Variants in CLCA2 observed in about 807,000 individuals in gnomAD.
CLCA2 encodes the protein calcium-activated chloride channel regulator 2.
A neutral mutation model predicts 82.9 loss-of-function variants in CLCA2; 85 were observed. The ratio of observed to expected loss-of-function variants is 1.03; its 90% CI spans 0.86 to 1.23. CLCA2 has a LOEUF of 1.23. CLCA2 is among the 50% of genes most tolerant of loss of function. The pLI, the probability that CLCA2 is intolerant of heterozygous loss-of-function variation, is 0.00. For missense variants in CLCA2, 1,089 were observed against 1,124.8 expected (o/e 0.97, Z 0.45); for synonymous variants, 421 against 391.7 (o/e 1.07, Z -0.88).
chr1:86,438,917 T>C lies in CLCA2; in HGVS notation c.1014T>C (p.Tyr338=), dbSNP rs1016176121. Residue 338 remains tyrosine (Y), a synonymous_variant, in exon 7 of 14, where the codon TAT becomes TAC. Coordinates refer to ENST00000370565, the MANE Select transcript of CLCA2 (RefSeq NM_006536.7). ...AACTACAACAAGCCGCAGAATTTTATTTGATGCAGATTGTTGAAATTCATA... is the reference window on the plus strand; with the variant it reads ...AACTACAACAAGCCGCAGAATTTTACTTGATGCAGATTGTTGAAATTCATA... ...LLQLQQAAEF[Y]LMQIVEIHTF... The C allele has an allele frequency of 8.1e-6, 13 of 1,614,006 alleles. No individual in the cohort carries two copies. The highest frequency in any genetic ancestry group is 1.1e-5 in the Non-Finnish European group (13 of 1,179,994).
chr1:86,444,975 C>A (rs1479121909), intron 10 of CLCA2, among the ~76,000 whole-genome samples: 1 of 152,118 alleles, frequency 6.6e-6, no homozygotes, highest in African/African-American at 2.4e-5. Context: ...CAGCTCACTG[C>A]AACCTTCACC....
chr1:86,438,935 A>C lies in CLCA2; in HGVS notation c.1032A>C (p.Glu344Asp), dbSNP rs1450737926. Residue 344 changes from glutamate to aspartate, a missense_variant, in exon 7 of 14, where the codon GAA becomes GAC. Transcript: ENST00000370565. ...AATTTTATTTGATGCAGATTGTTGA[A>C]ATTCATACCTTCGTGGGCATTGCCA... is the stretch of plus-strand genomic sequence containing the variant. ...AAEFYLMQIV[E>D]IHTFVGIASF... The C allele has an allele frequency of 1.2e-6, 2 of 1,614,030 alleles. No homozygotes were observed. The highest frequency in any genetic ancestry group is 3.3e-5 in the Admixed American group (2 of 59,992).
chr1:86,437,859 T>C (rs1662645655), intron 6 of CLCA2, among the ~76,000 whole-genome samples: 1 of 152,102 alleles, frequency 6.6e-6, no homozygotes, highest in African/African-American at 2.4e-5. Flanking sequence ...TTGTGAGTGC[T>C]TACTCAGTAT....
At chr1:86,429,375 C>T (rs1662449085) in intron 3 of CLCA2, among the ~76,000 whole-genome samples, 1 of 152,168 alleles carries the variant, frequency 6.6e-6, no homozygotes. Flanking sequence ...TGAACTGCTG[C>T]AGAAGGAAAG....
chr1:86,444,064 T>G, intron 10 of CLCA2, 53 bp downstream of exon 10: 1 of 1,170,702 alleles, frequency 8.5e-7, no homozygotes, highest in Middle Eastern at 2.2e-4. Context: ...GTTTATGATT[T>G]TCAGCTGAAT....
intron 2 of CLCA2, 135 bp from the exon 3 acceptor site, chr1:86,428,283 A>T: frequency 2.6e-6 from 2 of 775,972 alleles, no homozygotes; most frequent in Non-Finnish European, 3.6e-6. Flanking sequence ...TTTTGTTTTT[A>T]AATTGGGTTA....
Position 86,434,659 on chromosome 1 carries a change from C to T in CLCA2, c.886C>T (p.Leu296Phe). 2 of 1,614,132 alleles carry T rather than the reference C, an allele frequency of 1.2e-6. No individual in the cohort carries two copies. The change falls in exon 6 of 14, where the codon CTT becomes TTT. Residue 296 changes from leucine to phenylalanine, a missense_variant. Physicochemically the swap from Leu to Phe is conservative, Grantham distance 22. Transcript: ENST00000370565. ...HHSFPMNGTE[L>F]PPPPTFSLVQ... ...CAGCTTTCCCATGAATGGGACTGAG[C>T]TTCCACCTCCTCCCACATTCTCGCT...
chr1:86,433,295 T>C (rs1662536569), intron 5 of CLCA2, among the ~76,000 whole-genome samples: 1 of 152,196 alleles, frequency 6.6e-6, no homozygotes, highest in African/African-American at 2.4e-5. Flanking sequence ...GTAAGTCACA[T>C]CTGTGGGTCA....
At chr1:86,447,811 T>C (rs765498963) in intron 11 of CLCA2, 33 bp downstream of exon 11, 2 of 1,593,346 alleles carry the variant, frequency 1.3e-6, no homozygotes, top group South Asian at 2.2e-5. Context: ...TTTATCATCT[T>C]CTCAACAGCT....
chr1:86,450,400 C>A (rs767811980), intron 11 of CLCA2, among the ~76,000 whole-genome samples, 163 bp from the exon 12 acceptor site: 2 of 151,960 alleles, frequency 1.3e-5, no homozygotes, highest in African/African-American at 4.8e-5. Context: ...AAATTATGGA[C>A]CCATTGGATT....
intron 7 of CLCA2, 32 bp from the exon 8 acceptor site, chr1:86,440,116 T>G (rs1662694261): frequency 6.2e-7 from 1 of 1,605,142 alleles, no homozygotes; most frequent in South Asian, 1.1e-5. Context: ...TGAACTACAC[T>G]TCCTTCCAAG....
chr1:86,454,394 T>TTGC (rs1356003044), intron 13 of CLCA2, among the ~76,000 whole-genome samples: 1 of 152,214 alleles, frequency 6.6e-6, no homozygotes, highest in Non-Finnish European at 1.5e-5. Context: ...TCCTTCCACA[T>TTGC]TGCTATTTTT....
chr1:86,450,483 T>C, intron 11 of CLCA2, 80 bp from the exon 12 acceptor site: 4 of 1,097,824 alleles, frequency 3.6e-6, no homozygotes, highest in Non-Finnish European at 5.1e-6. Context: ...ATAAGGGGAG[T>C]AAATCTCATT....
intron 5 of CLCA2, among the ~76,000 whole-genome samples, chr1:86,434,087 G>A (rs1334148): frequency 0.65 from 98,785 of 151,936 alleles, 32,707 homozygotes; most frequent in South Asian, 0.72. Context: ...AAAAATATAT[G>A]TTGACTGATC....
Position 86,441,612 on chromosome 1 carries a change from A to G in CLCA2, c.1488+69A>G, listed in dbSNP as rs1247143542. On this transcript the variant is annotated intron_variant, in intron 9 of 13. Coordinates refer to ENST00000370565, the MANE Select transcript of CLCA2 (RefSeq NM_006536.7). Reference sequence around the variant, plus strand: ...AGGGAGAAGGAAACAAGGGAAATCAACGAATTGTGCTACCTGCTTCATTAA... The same window carrying G: ...AGGGAGAAGGAAACAAGGGAAATCAGCGAATTGTGCTACCTGCTTCATTAA... The G allele has an allele frequency of 2.9e-6, 3 of 1,026,798 alleles. No homozygotes were observed. The African/African-American group carries it at 4.7e-5, about 16-fold the overall frequency. 63.6% of individuals were successfully genotyped at this position (1,026,798 alleles called of 1,614,324 possible). A position where few individuals can be genotyped will look rare whatever the true frequency, so the allele number is the denominator to read the frequency against.
At chr1:86,443,756 G>A in intron 9 of CLCA2, 31 bp from the exon 10 acceptor site, 1 of 1,528,804 alleles carries the variant, frequency 6.5e-7, no homozygotes, top group South Asian at 1.2e-5. Context: ...GCATACACCA[G>A]AAACTCTCAT....
intron 6 of CLCA2, among the ~76,000 whole-genome samples, chr1:86,435,186 T>G (rs72720129): frequency 0.26 from 39,853 of 152,014 alleles, 6,064 homozygotes; most frequent in Non-Finnish European, 0.34. Context: ...TCCTATTTTT[T>G]GGGGGTTGGG....
intron 12 of CLCA2, among the ~76,000 whole-genome samples, chr1:86,452,558 C>T (rs547255551): frequency 1.4e-4 from 22 of 152,250 alleles, no homozygotes; most frequent in Admixed American, 1.4e-3. Flanking sequence ...AACGACTCTC[C>T]TTGCTTTTAA....
chr1:86,438,598 T>C (rs1030624394), intron 6 of CLCA2, among the ~76,000 whole-genome samples: 23 of 152,068 alleles, frequency 1.5e-4, no homozygotes, highest in African/African-American at 5.6e-4. Context: ...TAAGTTGGAG[T>C]GAAATAGTGG....
Sources: gnomAD v4.1 joint callset for allele counts (sites outside exome capture counted in the v4.1 genomes callset) on GRCh38, gnomAD v4.1.1 for gene constraint, MANE v1.5 for transcripts, NCBI Gene and HGNC (gene_info 2026-07-23, HGNC 2026-07-21) for gene names.